SEPTIN7: variants seen among roughly 807,000 people sequenced by gnomAD.
The protein encoded by SEPTIN7 is septin-7.
A neutral mutation model predicts 63.3 loss-of-function variants in SEPTIN7; 10 were observed. The ratio of observed to expected loss-of-function variants is 0.16; its 90% CI spans 0.10 to 0.27. SEPTIN7 has a LOEUF of 0.27. Ranked by LOEUF, SEPTIN7 falls within the 10% of genes least tolerant of loss-of-function variation. The pLI is 1.00. For synonymous variants in SEPTIN7, 131 were observed against 165.3 expected (o/e 0.79, Z 1.59); for missense variants, 310 against 521.0 (o/e 0.59, Z 3.94).
intron 6 of SEPTIN7, 186 bp from the exon 7 acceptor site, chr7:35,879,637 G>A (rs1468574231): frequency 7.7e-6 from 4 of 521,638 alleles, no homozygotes; most frequent in African/African-American, 3.9e-5. Context: ...AGGAGTCAAA[G>A]CCTTAGCCAC....
At chr7:35,803,139 T>C (rs1788107406) in intron 1 of SEPTIN7, 1 of 964,494 alleles carries the variant, frequency 1.0e-6, no homozygotes. Context: ...CTTTTTCTAA[T>C]GTAGCTTAAC....
chr7:35,804,246 C>T (rs1788185108), intron 1 of SEPTIN7, among the ~76,000 whole-genome samples: 1 of 152,200 alleles, frequency 6.6e-6, no homozygotes, highest in African/African-American at 2.4e-5. Context: ...AGCCAGAAAC[C>T]AGGGTGGCTT....
At chr7:35,843,559 G>A (rs953377870) in intron 3 of SEPTIN7, among the ~76,000 whole-genome samples, 4 of 152,004 alleles carry the variant, frequency 2.6e-5, no homozygotes, top group African/African-American at 4.8e-5. Context: ...AGAATTAATT[G>A]GTATGTGAAT....
intron 3 of SEPTIN7, among the ~76,000 whole-genome samples, chr7:35,845,675 T>C (rs765256164): frequency 4.6e-5 from 7 of 152,344 alleles, no homozygotes; most frequent in Non-Finnish European, 8.8e-5. Context: ...TTATGTGATA[T>C]GACTATTTAG....
intron 11 of SEPTIN7, among the ~76,000 whole-genome samples, chr7:35,891,762 C>A (rs140431002): frequency 2.0e-5 from 3 of 152,118 alleles, no homozygotes; most frequent in Admixed American, 6.6e-5. Flanking sequence ...AATAATCTTA[C>A]TTTGCTGTAA....
rs192242388 is a variant in SEPTIN7, at chr7:35,871,348, G to A, written c.277-1318G>A. On this transcript the variant is annotated intron_variant, in intron 4 of 13. Coordinates refer to ENST00000350320, the MANE Select transcript of SEPTIN7 (RefSeq NM_001788.6). The stretch of plus-strand genomic sequence containing the variant: ...CTCTTGATTGCTGTAGACCTCTGCT[G>A]TGTATTCGGTAGTCACTAGCCATAT... Among the ~76,000 whole-genome samples, 20 of 152,254 alleles carry A rather than the reference G, an allele frequency of 1.3e-4. No individual in the cohort carries two copies. The East Asian group carries it at 3.5e-3, about 26-fold the overall frequency.
Position 35,903,096 on chromosome 7 carries a change from A to T in SEPTIN7, c.1155A>T (p.Gln385His), listed in dbSNP as rs1341690255. 6.4e-7 allele frequency: 1 copy of T among 1,557,464 alleles called. No individual in the cohort carries two copies. The highest frequency in any genetic ancestry group is 1.7e-4 in the Middle Eastern group (1 of 5,984). ...SEAELQRRHEQMKKNLEAQHK... is the reference protein window; with the variant it reads ...SEAELQRRHEHMKKNLEAQHK... Reference sequence around the variant, plus strand: ...TTTAGCTCCAGCGGCGCCATGAGCAAATGAAAAAGAATTTGGAAGCACAGC... The same window carrying T: ...TTTAGCTCCAGCGGCGCCATGAGCATATGAAAAAGAATTTGGAAGCACAGC... Residue 385 changes from glutamine to histidine, a missense_variant, in exon 13 of 14, where the codon CAA becomes CAT. Coordinates refer to ENST00000350320, the MANE Select transcript of SEPTIN7 (RefSeq NM_001788.6).
intron 10 of SEPTIN7, among the ~76,000 whole-genome samples, chr7:35,888,513 A>G (rs1340862323): frequency 1.4e-4 from 22 of 152,094 alleles, no homozygotes; most frequent in Admixed American, 1.4e-3. Flanking sequence ...CAGTGATGAT[A>G]TGTAATATAT....
intron 1 of SEPTIN7, among the ~76,000 whole-genome samples, chr7:35,807,853 G>A (rs1423415814): frequency 6.6e-6 from 1 of 151,038 alleles, no homozygotes; most frequent in Non-Finnish European, 1.5e-5. Context: ...TTTTTGAGAC[G>A]GAGTCTTGCT....
chr7:35,912,954 T>TACTGCTTGTA, the SEPTIN7 span, among the ~76,000 whole-genome samples: 3 of 152,236 alleles, frequency 2.0e-5, no homozygotes, highest in Admixed American at 6.5e-5. Flanking sequence ...CTATTACTGC[T>TACTGCTTGTA]ACTGCTTGTA....
chr7:35,848,153 A>G (rs527552001), intron 3 of SEPTIN7: 2 of 152,240 alleles, frequency 1.3e-5, no homozygotes, highest in Non-Finnish European at 2.9e-5. Flanking sequence ...ACTCAAAACT[A>G]GCTCTATTTT....
Position 35,882,520 on chromosome 7 carries a change from T to C in SEPTIN7, c.667T>C (p.Tyr223His), listed in dbSNP as rs1396052968. The C allele has an allele frequency of 3.4e-6, 5 of 1,486,140 alleles. No homozygotes were observed. Among genetic ancestry groups the C allele is most frequent in the Non-Finnish European group, 3.6e-6 (4 of 1,106,908 alleles). The allele number at this position is 1,486,140 out of a possible 1,614,324, so 92.1% of individuals were successfully genotyped here. The part of the protein sequence containing the change: ...KEIQEHKIKI[Y>H]EFPETDDEEE... ...AATCCAAGAACATAAAATTAAAATA[T>C]ACGAATTTCCAGAAACAGATGATGA... Residue 223 changes from tyrosine (Y) to histidine (H), a missense_variant, in exon 8 of 14, where the codon TAC becomes CAC. Physicochemically the swap from Tyr to His is moderately conservative, Grantham distance 83. Around this residue, in one of 2 missense-constraint regions of SEPTIN7, gnomAD observed 255 missense variants for 490.5 expected, o/e 0.52. Coordinates refer to ENST00000350320, the MANE Select transcript of SEPTIN7 (RefSeq NM_001788.6).
At chr7:35,866,076 C>T (rs996046866) in intron 4 of SEPTIN7, among the ~76,000 whole-genome samples, 2 of 152,018 alleles carry the variant, frequency 1.3e-5, no homozygotes, top group African/African-American at 2.4e-5. Context: ...TTTTCTTTAC[C>T]AAAAGGAAGA....
At chr7:35,849,026 CT>C (rs1456042936) in intron 3 of SEPTIN7, among the ~76,000 whole-genome samples, 2 of 152,138 alleles carry the variant, frequency 1.3e-5, no homozygotes, top group African/African-American at 4.8e-5. Context: ...GTTCTTAGTA[CT>C]GGTGTAATTA....
At chr7:35,901,353 T>C (rs1165335763) in intron 12 of SEPTIN7, 10 of 152,206 alleles carry the variant, frequency 6.6e-5, no homozygotes, top group African/African-American at 2.4e-4. Context: ...CTCTGAAAAC[T>C]GCAAAACCTA....
At chr7:35,807,525 C>T (rs6979095) in intron 1 of SEPTIN7, among the ~76,000 whole-genome samples, 3,443 of 151,986 alleles carry the variant, frequency 0.023, 130 homozygotes, top group African/African-American at 0.08. Flanking sequence ...CCACCGCGCC[C>T]GGCTAATTTT....
chr7:35,895,845 C>G (rs1365095008), intron 11 of SEPTIN7, among the ~76,000 whole-genome samples: 1 of 152,104 alleles, frequency 6.6e-6, no homozygotes, highest in Admixed American at 6.6e-5. Context: ...GACTCCTGCT[C>G]TGTCAGCCAG....
intron 3 of SEPTIN7, among the ~76,000 whole-genome samples, chr7:35,834,742 G>A (rs914760194): frequency 1.3e-5 from 2 of 152,050 alleles, no homozygotes; most frequent in African/African-American, 4.8e-5. Context: ...TATCTAATAT[G>A]TTGATTTATT....
chr7:35,853,822 G>C (rs1161262115), intron 3 of SEPTIN7, among the ~76,000 whole-genome samples: 1 of 152,182 alleles, frequency 6.6e-6, no homozygotes, highest in Non-Finnish European at 1.5e-5. Flanking sequence ...TTTTGGCACA[G>C]AGTCTTTAAT....
Sources: gnomAD v4.1 joint callset for allele counts (sites outside exome capture counted in the v4.1 genomes callset) on GRCh38, gnomAD v4.1.1 for gene constraint, gnomAD v4.1.1 regional missense constraint, MANE v1.5 for transcripts, NCBI Gene and HGNC (gene_info 2026-07-23, HGNC 2026-07-21) for gene names.